Variants in LRRFIP1 observed in about 807,000 individuals in gnomAD.
The protein encoded by LRRFIP1 is LRR binding FLII interacting protein 1.
A neutral mutation model predicts 104.4 loss-of-function variants in LRRFIP1; 62 were observed. That is an observed-to-expected ratio of 0.59 (90% CI 0.48 to 0.73). The LOEUF (loss-of-function observed/expected upper bound fraction) is 0.73. Among genes scored for constraint, LRRFIP1 ranks in the 30% least tolerant of loss-of-function variants. LRRFIP1 has a pLI of 0.00. For synonymous variants in LRRFIP1, 300 were observed against 299.0 expected, an observed-to-expected ratio of 1.00 and a Z score of -0.03; for missense variants, 796 against 824.5, an observed-to-expected ratio of 0.97 and a Z score of 0.42.
At chr2:237,663,649 G>A (rs1057356294) in intron 1 of LRRFIP1, among the ~76,000 whole-genome samples, 1 of 152,254 alleles carries the variant, frequency 6.6e-6, no homozygotes, top group Non-Finnish European at 1.5e-5. Context: ...AATGGACGAG[G>A]CACATGGAAT....
intron 7 of LRRFIP1, among the ~76,000 whole-genome samples, chr2:237,726,231 C>G (rs1052286133): frequency 7.9e-5 from 12 of 152,274 alleles, no homozygotes; most frequent in African/African-American, 2.9e-4. Flanking sequence ...GATTTCTACA[C>G]TCCTTTTGTT....
chr2:237,749,059 A>G, intron 12 of LRRFIP1, 140 bp from the exon 13 acceptor site: 2 of 788,942 alleles, frequency 2.5e-6, no homozygotes, highest in Non-Finnish European at 3.9e-6. Flanking sequence ...GCATGGGGGA[A>G]ACTGCCCCCG....
chr2:237,640,263 T>A (rs2083724315), intron 1 of LRRFIP1, among the ~76,000 whole-genome samples: 1 of 152,070 alleles, frequency 6.6e-6, no homozygotes, highest in African/African-American at 2.4e-5. Flanking sequence ...GTGATTACAC[T>A]TTGCTGGCTT....
At chr2:237,763,034 T>G in intron 19 of LRRFIP1, 3 of 1,614,220 alleles carry the variant, frequency 1.9e-6, no homozygotes, top group Non-Finnish European at 2.5e-6. Flanking sequence ...AGTGGCCTCG[T>G]GTCCTTTAGG....
intron 22 of LRRFIP1, among the ~76,000 whole-genome samples, chr2:237,773,552 A>G (rs539229727): frequency 1.1e-4 from 16 of 152,250 alleles, no homozygotes; most frequent in African/African-American, 3.1e-4. Context: ...AAAATAAAAT[A>G]AATAAATAAA....
In LRRFIP1 at chr2:237,749,303, G is replaced by A; in HGVS notation, c.774G>A (p.Glu258=). The A allele has an allele frequency of 1.9e-6, 3 of 1,613,538 alleles. No homozygotes were observed. The highest frequency in any genetic ancestry group is 1.7e-5 in the Admixed American group (1 of 59,968). ...SGDTSISIDT[E]ASIREIKELN... is the part of the protein sequence containing the mutation. ...ACACCTCCATCTCCATCGACACCGA[G>A]GCATCCATCAGGGAAATCAAGGTGA... Residue 258 remains glutamate, a synonymous_variant, in exon 13 of 24, where the codon GAG becomes GAA. Coordinates refer to ENST00000308482, the MANE Select transcript of LRRFIP1 (RefSeq NM_001137550.2).
In LRRFIP1 at chr2:237,772,071, G is replaced by A; in HGVS notation, c.1510-10G>A. 5.1e-6 allele frequency: 8 copies of A among 1,577,586 alleles called. No homozygotes were observed. Among genetic ancestry groups the A allele is most frequent in the Non-Finnish European group, 6.1e-6 (7 of 1,150,130 alleles). ...AGAAATTAACAGATTTTACTGGCGGGTGTTTTCAGATTAAGAAACTCAAAG... is the reference window on the plus strand; with the variant it reads ...AGAAATTAACAGATTTTACTGGCGGATGTTTTCAGATTAAGAAACTCAAAG... On this transcript the variant is annotated splice_polypyrimidine_tract_variant and intron_variant, in intron 20 of 23. Coordinates refer to ENST00000308482, the MANE Select transcript of LRRFIP1 (RefSeq NM_001137550.2).
intron 1 of LRRFIP1, among the ~76,000 whole-genome samples, chr2:237,631,720 C>T (rs1195066708): frequency 1.3e-5 from 2 of 152,190 alleles, no homozygotes; most frequent in South Asian, 2.1e-4. Flanking sequence ...CTGAGTAAAG[C>T]GATACTGGTC....
At chr2:237,749,158 G>A in intron 12 of LRRFIP1, 41 bp from the exon 13 acceptor site, 1 of 1,602,640 alleles carries the variant, frequency 6.2e-7, no homozygotes, top group South Asian at 1.1e-5. Context: ...TGGGGACACA[G>A]AGCTAAACCA....
Position 237,748,480 on chromosome 2 carries a change from T to A in LRRFIP1, c.669+81T>A, listed in dbSNP as rs958980680. 7 of 1,310,338 alleles carry A rather than the reference T, an allele frequency of 5.3e-6. No homozygotes were observed. The African/African-American group carries it at 6.0e-5, about 11-fold the overall frequency. 81.2% of individuals were successfully genotyped at this position (1,310,338 alleles called of 1,614,324 possible). On this transcript the variant is annotated intron_variant, in intron 12 of 23. Coordinates refer to ENST00000308482, the MANE Select transcript of LRRFIP1 (RefSeq NM_001137550.2). ...AGAAAATATGTTGCTTGGTTTTTTTTAATAAGGATGTTCCCCAGCGAGGGA... is the reference window on the plus strand; with the variant it reads ...AGAAAATATGTTGCTTGGTTTTTTTAAATAAGGATGTTCCCCAGCGAGGGA...
intron 1 of LRRFIP1, among the ~76,000 whole-genome samples, chr2:237,647,537 G>A (rs1019419064): frequency 3.3e-5 from 5 of 152,108 alleles, no homozygotes; most frequent in Non-Finnish European, 7.4e-5. Context: ...CTGCAGCAGG[G>A]TTGAGGGAGC....
chr2:237,676,880 T>G (rs891209734), intron 1 of LRRFIP1, among the ~76,000 whole-genome samples: 1 of 152,216 alleles, frequency 6.6e-6, no homozygotes, highest in Non-Finnish European at 1.5e-5. Context: ...CTCCTGACCT[T>G]TGGTGTGGCT....
intron 1 of LRRFIP1, among the ~76,000 whole-genome samples, chr2:237,667,259 A>C (rs1383372046): frequency 1.3e-5 from 2 of 152,168 alleles, no homozygotes; most frequent in Non-Finnish European, 2.9e-5. Context: ...CCTCCCACTT[A>C]TGAGTGAGAA....
intron 6 of LRRFIP1, chr2:237,721,667 A>G (rs1338027451): frequency 6.6e-6 from 1 of 152,188 alleles, no homozygotes; most frequent in East Asian, 1.9e-4. Context: ...ATTAAATCCT[A>G]TTACTCCTTG....
Position 237,772,886 on chromosome 2 carries a change from A to G in LRRFIP1, c.1648A>G (p.Ser550Gly). The G allele has an allele frequency of 6.2e-7, 1 of 1,613,838 alleles. No homozygotes were observed. The highest frequency in any genetic ancestry group is 8.5e-7 in the Non-Finnish European group (1 of 1,179,696). Reference sequence around the variant, plus strand: ...TTTAGGGGATGCCAACAGACAGATCAGCGACCTCAAATTTAAACTTGCAAA... The same window carrying G: ...TTTAGGGGATGCCAACAGACAGATCGGCGACCTCAAATTTAAACTTGCAAA... ...DLQRDANRQI[S>G]DLKFKLAKSE... is the part of the protein sequence containing the mutation. Residue 550 changes from serine (S) to glycine (G), a missense_variant, in exon 22 of 24, where the codon AGC becomes GGC. Transcript: ENST00000308482.
At chr2:237,768,233 C>A (rs1272006836) in intron 19 of LRRFIP1, 1 of 152,180 alleles carries the variant, frequency 6.6e-6, no homozygotes, top group African/African-American at 2.4e-5. Context: ...TTGTCCAAGT[C>A]TCCTTTAGAA....
chr2:237,767,042 G>T (rs1188226343), intron 19 of LRRFIP1, among the ~76,000 whole-genome samples: 1 of 152,126 alleles, frequency 6.6e-6, no homozygotes, highest in Admixed American at 6.6e-5. Context: ...AGGCATGGTG[G>T]CATGTGCATG....
At chr2:237,709,123 A>T (rs1465019879) in intron 2 of LRRFIP1, among the ~76,000 whole-genome samples, 2 of 152,206 alleles carry the variant, frequency 1.3e-5, no homozygotes, top group Non-Finnish European at 2.9e-5. Context: ...GAATGAACAC[A>T]TGGATGAAAC....
At chr2:237,720,258 T>C (rs2094493131) in intron 5 of LRRFIP1, among the ~76,000 whole-genome samples, 1 of 149,258 alleles carries the variant, frequency 6.7e-6, no homozygotes, top group African/African-American at 2.5e-5. Flanking sequence ...TGAAATTACT[T>C]TTTTTTTGAG....
Sources: allele counts gnomAD v4.1 joint callset (sites outside exome capture counted in the v4.1 genomes callset), GRCh38; gene constraint gnomAD v4.1.1; transcripts MANE v1.5; gene names NCBI Gene and HGNC (gene_info 2026-07-23, HGNC 2026-07-21).